Variants in PIK3CB observed in about 807,000 individuals in gnomAD.
PIK3CB encodes phosphatidylinositol-4,5-bisphosphate 3-kinase catalytic subunit beta.
Under a neutral mutation model 136.8 loss-of-function variants are expected in PIK3CB, and 39 were observed. The ratio of observed to expected loss-of-function variants is 0.29; its 90% CI spans 0.22 to 0.37. The LOEUF (loss-of-function observed/expected upper bound fraction) is 0.37. Ranked by LOEUF, PIK3CB falls within the 10% of genes least tolerant of loss-of-function variation. The pLI is 1.00. For missense variants in PIK3CB, 868 were observed against 1,275.4 expected, an observed-to-expected ratio of 0.68 and a Z score of 4.87; for synonymous variants, 428 against 436.6, an observed-to-expected ratio of 0.98 and a Z score of 0.25.
At chr3:138,795,510 A>T (rs1357109954) in intron 2 of PIK3CB, among the ~76,000 whole-genome samples, 1 of 152,046 alleles carries the variant, frequency 6.6e-6, no homozygotes, top group African/African-American at 2.4e-5. Flanking sequence ...ACACGCCTGT[A>T]GTCCCAGCTA....
At chr3:138,732,329 T>G (rs1419630231) in intron 8 of PIK3CB, among the ~76,000 whole-genome samples, 2 of 152,166 alleles carry the variant, frequency 1.3e-5, no homozygotes, top group Non-Finnish European at 1.5e-5. Context: ...TCAACTTTTT[T>G]CACAGCCTCA....
intron 21 of PIK3CB, among the ~76,000 whole-genome samples, chr3:138,662,701 T>C (rs2043323039): frequency 1.3e-5 from 2 of 151,508 alleles, no homozygotes; most frequent in Admixed American, 6.6e-5. Flanking sequence ...ACTTCCACAA[T>C]GGTTGAACTA....
At chr3:138,708,932 C>G (rs960540276) in intron 10 of PIK3CB, among the ~76,000 whole-genome samples, 2 of 151,798 alleles carry the variant, frequency 1.3e-5, no homozygotes, top group Non-Finnish European at 2.9e-5. Flanking sequence ...CAAAAGTGAT[C>G]AGAAAAAAAG....
chr3:138,720,997 C>A (rs6795773), intron 8 of PIK3CB, among the ~76,000 whole-genome samples: 5,310 of 152,230 alleles, frequency 0.035, 312 homozygotes, highest in African/African-American at 0.12. Context: ...AGATAATAAG[C>A]CTGCAAACTA....
chr3:138,812,295 G>A (rs1173686867), intron 1 of PIK3CB, among the ~76,000 whole-genome samples: 2 of 151,200 alleles, frequency 1.3e-5, no homozygotes, highest in Admixed American at 6.6e-5. Context: ...GAGTGCAAAT[G>A]GTGCGATCTT....
chr3:138,657,484 T>C, intron 22 of PIK3CB: 1 of 516,046 alleles, frequency 1.9e-6, no homozygotes, highest in Non-Finnish European at 3.4e-6. Context: ...ATAATAATTA[T>C]TTTAAATTTC....
intron 1 of PIK3CB, among the ~76,000 whole-genome samples, chr3:138,832,990 C>T (rs114505110): frequency 0.045 from 6,688 of 149,734 alleles, 479 homozygotes; most frequent in African/African-American, 0.15. Context: ...CCAGCCTGGG[C>T]GACAGACCGA....
intron 19 of PIK3CB, among the ~76,000 whole-genome samples, chr3:138,669,273 G>C (rs1489927794): frequency 6.6e-6 from 1 of 151,882 alleles, no homozygotes; most frequent in Non-Finnish European, 1.5e-5. Flanking sequence ...TTAGCCAGGT[G>C]TGATGACAGG....
chr3:138,813,543 G>C (rs1933170748), intron 1 of PIK3CB, among the ~76,000 whole-genome samples: 1 of 148,994 alleles, frequency 6.7e-6, no homozygotes, highest in African/African-American at 2.5e-5. Flanking sequence ...TCAGCCTCCC[G>C]AGTAGCTGGG....
intron 12 of PIK3CB, among the ~76,000 whole-genome samples, chr3:138,700,846 C>T (rs2044237082): frequency 6.6e-6 from 1 of 152,172 alleles, no homozygotes; most frequent in African/African-American, 2.4e-5. Context: ...TGCAGTAACA[C>T]TGATTCAAGG....
intron 1 of PIK3CB, among the ~76,000 whole-genome samples, chr3:138,817,477 T>C (rs1054699894): frequency 3.3e-5 from 5 of 152,088 alleles, no homozygotes; most frequent in East Asian, 1.9e-4. Context: ...GATCATGCCA[T>C]TGCACTCTAG....
At chr3:138,802,294 T>C (rs1363941121) in intron 1 of PIK3CB, among the ~76,000 whole-genome samples, 1 of 149,810 alleles carries the variant, frequency 6.7e-6, no homozygotes. Context: ...GCAGAAGAAC[T>C]GCTTGAACCC....
rs1251004128 is a variant in PIK3CB, at chr3:138,663,889, C to T, written c.2796+17G>A. The T allele has an allele frequency of 6.2e-7, 1 of 1,611,650 alleles. No homozygotes were observed. The highest frequency in any genetic ancestry group is 8.5e-7 in the Non-Finnish European group (1 of 1,179,324). ...AGCATTACTAAGGCCCTTGGCAGAT[C>T]CTGAGGAGCAGCTCACCTGGCCAGT... On this transcript the variant is annotated intron_variant, in intron 21 of 23. Transcript: ENST00000674063.
At chr3:138,722,219 G>A (rs2044741644) in intron 8 of PIK3CB, among the ~76,000 whole-genome samples, 2 of 65,432 alleles carry the variant, frequency 3.1e-5, no homozygotes, top group South Asian at 5.0e-4. Flanking sequence ...TGCTATGTAA[G>A]AGACACACAC....
intron 19 of PIK3CB, among the ~76,000 whole-genome samples, chr3:138,680,430 TA>T (rs577923006): frequency 6.6e-6 from 1 of 152,040 alleles, no homozygotes; most frequent in African/African-American, 2.4e-5. Flanking sequence ...GAGGATGTTA[TA>T]AAAAAATATG....
intron 1 of PIK3CB, among the ~76,000 whole-genome samples, chr3:138,828,184 CTTTT>C (rs1176715980): frequency 2.3e-5 from 3 of 131,084 alleles, no homozygotes; most frequent in Admixed American, 7.9e-5. Flanking sequence ...ATTAAATTTC[CTTTT>C]TTTTTTTTTT....
chr3:138,822,773 C>G (rs985847403), intron 1 of PIK3CB, among the ~76,000 whole-genome samples: 1 of 148,400 alleles, frequency 6.7e-6, no homozygotes, highest in Non-Finnish European at 1.5e-5. Flanking sequence ...ACTCAGGAGG[C>G]GGAGGCTGCA....
chr3:138,770,587 GT>G (rs2045786829), intron 2 of PIK3CB: 1 of 151,720 alleles, frequency 6.6e-6, no homozygotes, highest in Admixed American at 6.6e-5. Flanking sequence ...GCAGGTGCCT[GT>G]AGTCCCAGCT....
At chr3:138,821,539 C>T (rs1933563901) in intron 1 of PIK3CB, among the ~76,000 whole-genome samples, 1 of 152,150 alleles carries the variant, frequency 6.6e-6, no homozygotes, top group Non-Finnish European at 1.5e-5. Flanking sequence ...AATCCCAGCA[C>T]TCTGGGAGGC....
Sources: allele counts gnomAD v4.1 joint callset (sites outside exome capture counted in the v4.1 genomes callset), GRCh38; gene constraint gnomAD v4.1.1; transcripts MANE v1.5; gene names NCBI Gene and HGNC (gene_info 2026-07-23, HGNC 2026-07-21).